Variants in OPCML observed in about 807,000 individuals in gnomAD.
OPCML encodes opioid-binding protein/cell adhesion molecule.
A neutral mutation model predicts 37.8 loss-of-function variants in OPCML; 13 were observed. The ratio of observed to expected loss-of-function variants is 0.34; its 90% CI spans 0.22 to 0.55. The LOEUF is 0.55. OPCML is among the 20% of genes least tolerant of loss of function. OPCML has a pLI of 0.91. For missense variants in OPCML, 341 were observed against 435.6 expected (o/e 0.78, Z 1.93); for synonymous variants, 176 against 168.8 (o/e 1.04, Z -0.33).
chr11:132,778,237 C>A (rs1164213779), intron 2 of OPCML, among the ~76,000 whole-genome samples: 1 of 152,218 alleles, frequency 6.6e-6, no homozygotes, highest in African/African-American at 2.4e-5. Flanking sequence ...TAAAAACTTA[C>A]AATTTCCTAA....
At chr11:133,518,929 G>C (rs1948346450) in intron 1 of OPCML, among the ~76,000 whole-genome samples, 1 of 152,102 alleles carries the variant, frequency 6.6e-6, no homozygotes, top group Admixed American at 6.5e-5. Flanking sequence ...TGGTATGTCA[G>C]GCCAGGAGCA....
intron 2 of OPCML, among the ~76,000 whole-genome samples, chr11:132,881,671 G>A (rs1943230578): frequency 6.6e-6 from 1 of 152,008 alleles, no homozygotes. Context: ...AACAAAAAAT[G>A]GCATGACTAG....
chr11:132,575,384 G>C (rs2096447991), intron 3 of OPCML, among the ~76,000 whole-genome samples: 1 of 151,834 alleles, frequency 6.6e-6, no homozygotes, highest in Admixed American at 6.6e-5. Flanking sequence ...GATATGCTTT[G>C]ATTTGTTTCT....
chr11:133,288,088 T>G (rs1239158080), intron 1 of OPCML, among the ~76,000 whole-genome samples: 1 of 152,240 alleles, frequency 6.6e-6, no homozygotes, highest in Non-Finnish European at 1.5e-5. Context: ...CATCTTATTG[T>G]GTGTCCATGA....
chr11:133,033,000 T>C (rs1308314732), intron 1 of OPCML, among the ~76,000 whole-genome samples: 3 of 152,166 alleles, frequency 2.0e-5, no homozygotes, highest in African/African-American at 7.2e-5. Flanking sequence ...AGTCTGTCTT[T>C]CTCCCAGTCC....
intron 1 of OPCML, among the ~76,000 whole-genome samples, chr11:133,293,240 AT>A (rs1942531275): frequency 6.6e-6 from 1 of 152,150 alleles, no homozygotes; most frequent in Admixed American, 6.5e-5. Flanking sequence ...CTCTTTCCCT[AT>A]CCCCCATTTT....
At chr11:132,636,844 A>G (rs1304322114) in intron 3 of OPCML, among the ~76,000 whole-genome samples, 1 of 152,208 alleles carries the variant, frequency 6.6e-6, no homozygotes, top group Non-Finnish European at 1.5e-5. Flanking sequence ...AATAAGCTTC[A>G]TAAATATTTT....
intron 1 of OPCML, among the ~76,000 whole-genome samples, chr11:133,303,397 T>C (rs1942830857): frequency 6.6e-6 from 1 of 152,182 alleles, no homozygotes; most frequent in African/African-American, 2.4e-5. Context: ...GCTTTCTACC[T>C]TCATCTACCT....
intron 1 of OPCML, among the ~76,000 whole-genome samples, chr11:132,973,825 G>T (rs1353334746): frequency 1.3e-5 from 2 of 152,118 alleles, no homozygotes; most frequent in African/African-American, 4.8e-5. Flanking sequence ...CTCGGCAGAT[G>T]ATCATCTTCT....
intron 3 of OPCML, among the ~76,000 whole-genome samples, chr11:132,537,441 A>C (rs1271257461): frequency 6.6e-6 from 1 of 152,206 alleles, no homozygotes; most frequent in Non-Finnish European, 1.5e-5. Flanking sequence ...AACTCAAAAC[A>C]TTAATAGATC....
chr11:132,606,369 C>T (rs906091712), intron 3 of OPCML, among the ~76,000 whole-genome samples: 8 of 152,166 alleles, frequency 5.3e-5, no homozygotes, highest in African/African-American at 1.9e-4. Flanking sequence ...CCAGACCTCC[C>T]AGACATACTC....
At chr11:132,818,660 A>ATATATATATATATATATATATATAT (rs56858242) in intron 2 of OPCML, among the ~76,000 whole-genome samples, 7,143 of 115,064 alleles carry the variant, frequency 0.062, 495 homozygotes, top group Non-Finnish European at 0.068. Context: ...ATATATATAT[A>ATATATATATATATATATATATATAT]GACAGATTAT....
At chr11:133,079,056 C>T (rs796099026) in intron 1 of OPCML, among the ~76,000 whole-genome samples, 3 of 152,282 alleles carry the variant, frequency 2.0e-5, no homozygotes, top group South Asian at 4.1e-4. Flanking sequence ...ATATTCCTTC[C>T]TCCCACCCAG....
At chr11:133,008,131 T>C (rs1947148023) in intron 1 of OPCML, 1 of 985,314 alleles carries the variant, frequency 1.0e-6, no homozygotes, top group South Asian at 4.7e-5. Context: ...TCTCCAAGCC[T>C]CTTGGGCAGA....
At chr11:133,113,008 C>T (rs541532225) in intron 1 of OPCML, among the ~76,000 whole-genome samples, 1 of 152,312 alleles carries the variant, frequency 6.6e-6, no homozygotes, top group South Asian at 2.1e-4. Flanking sequence ...AATTTATCTG[C>T]AATTACAGAA....
chr11:133,236,687 G>T (rs1035967501), intron 1 of OPCML, among the ~76,000 whole-genome samples: 3 of 152,194 alleles, frequency 2.0e-5, no homozygotes, highest in African/African-American at 7.2e-5. Flanking sequence ...TGCTTATAAT[G>T]GTCCAAGCAA....
chr11:133,306,007 G>A (rs180986089), intron 1 of OPCML, among the ~76,000 whole-genome samples: 23 of 152,274 alleles, frequency 1.5e-4, no homozygotes, highest in Admixed American at 1.3e-3. Context: ...TTTGCCTTAA[G>A]AGCCTTTGAA....
At chr11:132,774,924 G>A (rs986053658) in intron 2 of OPCML, among the ~76,000 whole-genome samples, 10 of 152,198 alleles carry the variant, frequency 6.6e-5, no homozygotes, top group African/African-American at 2.4e-4. Context: ...TTTGGAGGGT[G>A]AGAGCCATAT....
chr11:133,207,542 G>C (rs1939134494), intron 1 of OPCML, among the ~76,000 whole-genome samples: 1 of 152,182 alleles, frequency 6.6e-6, no homozygotes, highest in African/African-American at 2.4e-5. Context: ...AATTCGCTCT[G>C]TCACTAAGCC....
Sources: allele counts gnomAD v4.1 joint callset (sites outside exome capture counted in the v4.1 genomes callset), GRCh38; gene constraint gnomAD v4.1.1; transcripts MANE v1.5; gene names NCBI Gene and HGNC (gene_info 2026-07-23, HGNC 2026-07-21).